The following DMBT1 variants were observed in gnomAD, a reference collection of about 807,000 sequenced individuals.
The protein encoded by DMBT1 is scavenger receptor cysteine-rich domain-containing protein DMBT1.
A neutral mutation model predicts 252.9 loss-of-function variants in DMBT1; 198 were observed. That is an observed-to-expected ratio of 0.78 (90% CI 0.70 to 0.88). The LOEUF (loss-of-function observed/expected upper bound fraction) is 0.88, where lower values mean the gene tolerates loss of function less well. Among genes scored for constraint, DMBT1 ranks in the 40% least tolerant of loss-of-function variants. The pLI, the probability that DMBT1 is intolerant of heterozygous loss-of-function variation, is 0.00. For missense variants in DMBT1, 2,432 were observed against 2,404.7 expected (o/e 1.01, Z -0.24); for synonymous variants, 990 against 942.7 (o/e 1.05, Z -0.92).
intron 9 of DMBT1, among the ~76,000 whole-genome samples, chr10:122,579,312 T>C (rs1343214432): frequency 6.6e-6 from 1 of 152,100 alleles, no homozygotes; most frequent in Non-Finnish European, 1.5e-5. Flanking sequence ...ATCCTCTGTG[T>C]ACCCAACTGG....
intron 1 of DMBT1, among the ~76,000 whole-genome samples, chr10:122,565,396 G>A (rs753130804): frequency 1.6e-4 from 24 of 152,114 alleles, no homozygotes; most frequent in Non-Finnish European, 7.4e-5. Context: ...CAACACTCAC[G>A]AGTATAGTTA....
At chr10:122,635,931 G>T (rs1217234450) in intron 52 of DMBT1, 60 bp from the exon 53 acceptor site, 5 of 1,581,104 alleles carry the variant, frequency 3.2e-6, no homozygotes, top group South Asian at 1.1e-5. Flanking sequence ...CCTGAGATCT[G>T]ACCCCCTGCG....
chr10:122,594,288 A>T lies in DMBT1; in HGVS notation c.2531-208A>T, dbSNP rs555436945. Among the ~76,000 whole-genome samples the T allele has an allele frequency of 1.2e-4, 16 of 132,462 alleles. 3 individuals are homozygous for T. In the South Asian group the frequency reaches 3.0e-3, roughly 25 times the overall value. The allele number at this position is 132,462 out of a possible 152,430, so 86.9% of individuals were successfully genotyped here. On this transcript the variant is annotated intron_variant, in intron 21 of 55. Coordinates refer to ENST00000338354, the MANE Select transcript of DMBT1 (RefSeq NM_001377530.1). ...TAGAAAGATACCCCAGGATTAGAGA[A>T]ATGGAGGGCTCAGTCTGGTCTCCAG... is the stretch of plus-strand genomic sequence containing the variant.
rs1833189261 is a variant in DMBT1 at position 122,572,293 on chromosome 10, CT to C, written c.188-19del. ...AAGCAAGGGCTACCATCAATGAGCT[CT>C]TCCTTTCTCCACCCTGCAGGTTCTC... On this transcript the variant is annotated intron_variant, in intron 4 of 55. Transcript: ENST00000338354. 1 of 1,613,044 alleles carries C rather than the reference CT, an allele frequency of 6.2e-7. No homozygotes were observed. The highest frequency in any genetic ancestry group is 8.5e-7 in the Non-Finnish European group (1 of 1,179,314).
At chr10:122,588,143 C>T (rs2097807680) in intron 16 of DMBT1, among the ~76,000 whole-genome samples, 1 of 148,766 alleles carries the variant, frequency 6.7e-6, no homozygotes, top group African/African-American at 2.4e-5. Flanking sequence ...CCGACCACCA[C>T]ATTACCTGCA....
chr10:122,570,782 C>A, intron 3 of DMBT1, 108 bp from the exon 4 acceptor site: 1 of 1,368,564 alleles, frequency 7.3e-7, no homozygotes, highest in Non-Finnish European at 1.0e-6. Context: ...GGAGGTTGCC[C>A]TTAGGATCTG....
Position 122,600,028 on chromosome 10 carries a change from T to G in DMBT1, c.3281-36T>G, listed in dbSNP as rs771842876. The G allele has an allele frequency of 4.4e-6, 7 of 1,607,608 alleles. No individual in the cohort carries two copies. The African/African-American group carries it at 6.8e-5, about 16-fold the overall frequency. On this transcript the variant is annotated intron_variant, in intron 26 of 55. Coordinates refer to ENST00000338354, the MANE Select transcript of DMBT1 (RefSeq NM_001377530.1). ...TTCCACTTTGCCGACTTCTGTGTAA[T>G]GTTCCTGATCTGACCTTCTCTTCTC...
At chr10:122,599,577 T>C (rs1045075617) in intron 26 of DMBT1, among the ~76,000 whole-genome samples, 3 of 152,176 alleles carry the variant, frequency 2.0e-5, no homozygotes, top group African/African-American at 7.2e-5. Context: ...TCTGATTCTA[T>C]CACGCCTGGG....
At chr10:122,585,978 G>T in intron 15 of DMBT1, 82 bp from the exon 16 acceptor site, 1 of 1,573,652 alleles carries the variant, frequency 6.4e-7, no homozygotes, top group East Asian at 2.3e-5. Context: ...TAGCCATTAG[G>T]ACGTGCCTTG....
rs1484615453 is a variant in DMBT1, at chr10:122,584,405, C to A, written c.1420+54C>A. The stretch of plus-strand genomic sequence containing the variant: ...GTCCCTTCTCTTTCTGTATAATTAT[C>A]CCTTTCTGCACTCCACAGAGCCCTC... On this transcript the variant is annotated intron_variant, in intron 14 of 55. Coordinates refer to ENST00000338354, the MANE Select transcript of DMBT1 (RefSeq NM_001377530.1). The A allele has an allele frequency of 2.1e-5, 8 of 373,448 alleles. No individual in the cohort carries two copies. In the East Asian group the frequency reaches 3.4e-4, roughly 16 times the overall value. 23.1% of individuals were successfully genotyped at this position (373,448 alleles called of 1,614,324 possible).
At chr10:122,573,966 G>A (rs887180075) in intron 6 of DMBT1, among the ~76,000 whole-genome samples, 7 of 152,292 alleles carry the variant, frequency 4.6e-5, no homozygotes, top group Non-Finnish European at 5.9e-5. Context: ...ACTTGAAGAC[G>A]CGTCTCCAAG....
rs2097912000 is a variant in DMBT1 at position 122,598,925 on chromosome 10, T to G, written c.3108T>G (p.Cys1036Trp). The G allele has an allele frequency of 6.2e-7, 1 of 1,613,668 alleles. No homozygotes were observed. The highest frequency in any genetic ancestry group is 1.7e-5 in the Admixed American group (1 of 59,992). ...DANVVCRQLG[C>W]GWAMSAPGNA... ...ATGTCGTCTGCAGGCAACTGGGCTGTGGCTGGGCCATGTCAGCCCCAGGAA... is the reference window on the plus strand; with the variant it reads ...ATGTCGTCTGCAGGCAACTGGGCTGGGGCTGGGCCATGTCAGCCCCAGGAA... Residue 1036 changes from cysteine to tryptophan, a missense_variant, in exon 26 of 56, where the codon TGT (cysteine) becomes TGG (tryptophan). Physicochemically the swap from Cys to Trp is radical, Grantham distance 215. Coordinates refer to ENST00000338354, the MANE Select transcript of DMBT1 (RefSeq NM_001377530.1).
chr10:122,621,469 A>C, intron 44 of DMBT1, 89 bp downstream of exon 44: 1 of 1,582,092 alleles, frequency 6.3e-7, no homozygotes, highest in Admixed American at 1.8e-5. Context: ...CCTCACTCAA[A>C]GCTTCTCCTG....
chr10:122,598,999 G>T lies in DMBT1; in HGVS notation c.3182G>T (p.Arg1061Leu). ...GGACCCATTGTCCTGGATGATGTGCGCTGCTCAGGACACGAGTCTTACCTG... is the reference window on the plus strand; with the variant it reads ...GGACCCATTGTCCTGGATGATGTGCTCTGCTCAGGACACGAGTCTTACCTG... ...GSGPIVLDDV[R>L]CSGHESYLWS... Residue 1061 changes from arginine to leucine, a missense_variant, in exon 26 of 56, where the codon CGC (arginine) becomes CTC (leucine). Transcript: ENST00000338354. 6.8e-6 allele frequency: 11 copies of T among 1,613,744 alleles called. No individual in the cohort carries two copies. The highest frequency in any genetic ancestry group is 9.3e-6 in the Non-Finnish European group (11 of 1,179,730).
In DMBT1 at chr10:122,640,170, T is replaced by G. The variant is rs751290221; in HGVS notation, c.7073T>G (p.Met2358Arg). ...RMLQNTWVDT[M>R]YIANDTIHVA... ...CTTCAGAACACCTGGGTCGACACCATGTACATTGCTAATGACACCATCCAC... is the reference window on the plus strand; with the variant it reads ...CTTCAGAACACCTGGGTCGACACCAGGTACATTGCTAATGACACCATCCAC... The change falls in exon 55 of 56, where the codon ATG (methionine) becomes AGG (arginine). Residue 2358 changes from methionine (M) to arginine (R), a missense_variant. By Grantham distance (91) the Met-to-Arg change is moderately conservative. Coordinates refer to ENST00000338354, the MANE Select transcript of DMBT1 (RefSeq NM_001377530.1). 2 of 1,614,072 alleles carry G rather than the reference T, an allele frequency of 1.2e-6. No homozygotes were observed. Among genetic ancestry groups the G allele is most frequent in the Non-Finnish European group, 8.5e-7 (1 of 1,179,902 alleles).
At chr10:122,575,963 G>T (rs1224887686) in intron 6 of DMBT1, among the ~76,000 whole-genome samples, 1 of 152,148 alleles carries the variant, frequency 6.6e-6, no homozygotes, top group Non-Finnish European at 1.5e-5. Flanking sequence ...ATAAGGCCAG[G>T]AATATCACGT....
chr10:122,589,926 A>T (rs1213504147), intron 17 of DMBT1, among the ~76,000 whole-genome samples: 1 of 148,644 alleles, frequency 6.7e-6, no homozygotes, highest in African/African-American at 2.4e-5. Context: ...TCCCAACATG[A>T]GTCTTGTATG....
At chr10:122,573,818 T>G (rs1253264808) in intron 6 of DMBT1, 56 bp downstream of exon 6, 1 of 1,589,230 alleles carries the variant, frequency 6.3e-7, no homozygotes, top group Non-Finnish European at 8.6e-7. Context: ...CACCCCTAGG[T>G]TAATCTCTGA....
Position 122,576,723 on chromosome 10 carries a change from G to A in DMBT1, c.607+1G>A, listed in dbSNP as rs375700542. On this transcript the variant is annotated splice_donor_variant, in intron 7 of 55. Transcript: ENST00000338354. LOFTEE classifies it high-confidence loss of function. ...GAAGATGCTGGTGTTATCTGCTCAG[G>A]TAGGCATCCAGATCTCTGGAGGGTT... 3.5e-5 allele frequency: 56 copies of A among 1,613,666 alleles called. No homozygotes were observed. The highest frequency in any genetic ancestry group is 2.1e-4 in the African/African-American group (16 of 74,918).
Sources: gnomAD v4.1 joint callset for allele counts (sites outside exome capture counted in the v4.1 genomes callset) on GRCh38, gnomAD v4.1.1 for gene constraint, MANE v1.5 for transcripts, NCBI Gene and HGNC (gene_info 2026-07-23, HGNC 2026-07-21) for gene names.